The following E2F2 variants were observed in gnomAD, a reference collection of about 807,000 sequenced individuals.
E2F2 encodes transcription factor E2F2.
Under a neutral mutation model 42.2 loss-of-function variants are expected in E2F2, and 22 were observed. That is an observed-to-expected ratio of 0.52 (90% CI 0.37 to 0.74). The LOEUF (loss-of-function observed/expected upper bound fraction) is 0.74, where lower values mean the gene tolerates loss of function less well. Among genes scored for constraint, E2F2 ranks in the 30% least tolerant of loss-of-function variants. E2F2 has a pLI of 0.00. For synonymous variants in E2F2, 248 were observed against 251.6 expected (o/e 0.99, Z 0.13); for missense variants, 481 against 557.8 (o/e 0.86, Z 1.39).
rs372929043 is a variant in E2F2, at chr1:23,524,274, GC to G, written c.358+108del. On this transcript the variant is annotated intron_variant, in intron 2 of 6. Coordinates refer to ENST00000361729, the MANE Select transcript of E2F2 (RefSeq NM_004091.4). ...GATCAAATAATAAAATACGCAGGAAGCTTTTGTAAACTGGAAAGTGATCCAA... is the reference window on the plus strand; with the variant it reads ...GATCAAATAATAAAATACGCAGGAAGTTTTGTAAACTGGAAAGTGATCCAA... 3.2e-4 allele frequency: 279 copies of G among 860,978 alleles called. 1 individual carries two copies. In the African/African-American group the frequency reaches 4.2e-3, roughly 13 times the overall value. The allele number at this position is 860,978 out of a possible 1,614,324, so 53.3% of individuals were successfully genotyped here. A position where few individuals can be genotyped will look rare whatever the true frequency, so the allele number is the denominator to read the frequency against.
intron 6 of E2F2, among the ~76,000 whole-genome samples, chr1:23,514,960 G>A (rs1463652569): frequency 6.6e-6 from 1 of 151,662 alleles, no homozygotes; most frequent in African/African-American, 2.4e-5. Flanking sequence ...ACCATTCTTA[G>A]CTCATGGGTC....
chr1:23,523,185 ACT>A (rs983162943), intron 2 of E2F2, among the ~76,000 whole-genome samples: 7 of 143,488 alleles, frequency 4.9e-5, no homozygotes, highest in Non-Finnish European at 1.1e-4. Context: ...ATGGAGTCTC[ACT>A]CTCTCTCCCA....
chr1:23,530,890 G>T lies in E2F2; in HGVS notation c.-97C>A. The T allele has an allele frequency of 1.4e-6, 2 of 1,389,044 alleles. No homozygotes were observed. The highest frequency in any genetic ancestry group is 1.9e-6 in the Non-Finnish European group (2 of 1,071,208). 86.0% of individuals were successfully genotyped at this position (1,389,044 alleles called of 1,614,324 possible). On this transcript the variant is annotated 5_prime_UTR_variant, in exon 1 of 7. Coordinates refer to ENST00000361729, the MANE Select transcript of E2F2 (RefSeq NM_004091.4). The surrounding 1 kb of genome is among the most constrained non-coding windows in gnomAD (Gnocchi z 4.4). ...CCTTTCACACGGCCCGCGGCATGGC[G>T]CGGAGGCCGGGGGAAGCCGCCAATG...
rs1463319421 is a variant in E2F2, at chr1:23,516,429, A to G, written c.951T>C (p.Pro317=). ...VQEPDSPSEE[P]LPSTSTLCPS... is the part of the protein sequence containing the mutation. ...GGCAGAGGGTGGAGGTAGAGGGGAGAGGCTCCTCGGAAGGACTGTCCGGCT... is the reference window on the plus strand; with the variant it reads ...GGCAGAGGGTGGAGGTAGAGGGGAGGGGCTCCTCGGAAGGACTGTCCGGCT... Residue 317 remains proline, a synonymous_variant, in exon 6 of 7, where the codon CCT becomes CCC. Coordinates refer to ENST00000361729, the MANE Select transcript of E2F2 (RefSeq NM_004091.4). 3.1e-6 allele frequency: 5 copies of G among 1,602,364 alleles called. No homozygotes were observed. The highest frequency in any genetic ancestry group is 4.3e-6 in the Non-Finnish European group (5 of 1,174,938).
intron 1 of E2F2, among the ~76,000 whole-genome samples, chr1:23,525,196 C>A (rs3218150): frequency 0.035 from 5,310 of 149,828 alleles, 138 homozygotes; most frequent in Middle Eastern, 0.12. Context: ...CCACCCCCCC[C>A]CTCCAGCTCC....
In E2F2 at chr1:23,509,895, G is replaced by A. The variant is rs1423753527; in HGVS notation, c.1299C>T (p.Asp433=). Residue 433 remains aspartate, a synonymous_variant, in exon 7 of 7, where the codon GAC becomes GAT. Transcript: ENST00000361729. The part of the protein sequence containing the change: ...SDLFDSYDLG[D]LLIN ...GCAGGGCCACTCAATTAATCAACAGGTCCCCAAGGTCGTAGGAGTCGAAGA... is the reference window on the plus strand; with the variant it reads ...GCAGGGCCACTCAATTAATCAACAGATCCCCAAGGTCGTAGGAGTCGAAGA... 1.3e-6 allele frequency: 2 copies of A among 1,548,832 alleles called. No individual in the cohort carries two copies.
At chr1:23,510,253 C>A in intron 6 of E2F2, 105 bp from the exon 7 acceptor site, 1 of 1,426,092 alleles carries the variant, frequency 7.0e-7, no homozygotes, top group Non-Finnish European at 9.2e-7. Flanking sequence ...TCTTCTCTCT[C>A]CTTAGCCTGG....
At position 23,524,504 on chromosome 1, in the gene E2F2, G is replaced by A; in HGVS notation, c.253-16C>T. 3 of 1,610,130 alleles carry A rather than the reference G, an allele frequency of 1.9e-6. No homozygotes were observed. The highest frequency in any genetic ancestry group is 2.2e-5 in the East Asian group (1 of 44,778). On this transcript the variant is annotated splice_polypyrimidine_tract_variant and intron_variant, in intron 1 of 6. Transcript: ENST00000361729. ...TCCTTTTGGCCTTGGAGAAAAGGGG[G>A]AGAGAGAGGCAGAGTTTGAGAATCA... is the stretch of plus-strand genomic sequence containing the variant.
intron 6 of E2F2, among the ~76,000 whole-genome samples, chr1:23,515,491 G>A (rs1428462750): frequency 6.6e-6 from 1 of 152,012 alleles, no homozygotes; most frequent in Non-Finnish European, 1.5e-5. Context: ...CTCCCAGCTG[G>A]GAGACCTTAG....
Position 23,516,486 on chromosome 1 carries a change from G to C in E2F2, c.894C>G (p.Ile298Met). ...CCTCCTCTGGGCACAGGTAGACTTC[G>C]ATGGGCCCTTGGGTGCTCTTGAGAT... ...QIYLKSTQGP[I>M]EVYLCPEEVQ... Residue 298 changes from isoleucine (I) to methionine (M), a missense_variant, in exon 6 of 7, where the codon ATC (isoleucine) becomes ATG (methionine). By Grantham distance (10) the Ile-to-Met change is conservative. Transcript: ENST00000361729. The C allele has an allele frequency of 6.2e-7, 1 of 1,610,090 alleles. No individual in the cohort carries two copies. Among genetic ancestry groups the C allele is most frequent in the South Asian group, 1.1e-5 (1 of 90,270 alleles).
At chr1:23,516,279 G>A (rs1643014675) in intron 6 of E2F2, 56 bp downstream of exon 6, 2 of 1,415,574 alleles carry the variant, frequency 1.4e-6, no homozygotes, top group Non-Finnish European at 1.8e-6. Context: ...ATATAGAAGA[G>A]AAAACTAAGG....
downstream of E2F2, among the ~76,000 whole-genome samples, chr1:23,506,155 G>T (rs1037997221): frequency 6.6e-6 from 1 of 152,198 alleles, no homozygotes; most frequent in African/African-American, 2.4e-5. Flanking sequence ...GGGTGGGAGG[G>T]AGAGTGTGGG....
chr1:23,514,833 C>CAAAAA (rs74604082), intron 6 of E2F2, among the ~76,000 whole-genome samples: 4 of 46,740 alleles, frequency 8.6e-5, no homozygotes, highest in African/African-American at 1.4e-4. Context: ...GAGACTGTCT[C>CAAAAA]AAAAAAAAAA....
intron 6 of E2F2, among the ~76,000 whole-genome samples, chr1:23,514,134 A>C (rs374049142): frequency 1.3e-3 from 195 of 152,038 alleles, no homozygotes; most frequent in African/African-American, 4.2e-3. Flanking sequence ...AAAAAAAAAA[A>C]AACAACTTCA....
In E2F2 at chr1:23,531,063, G is replaced by C; in HGVS notation, c.-270C>G. On this transcript the variant is annotated 5_prime_UTR_variant, in exon 1 of 7. Transcript: ENST00000361729. ...CTCGTCCCGAGGGCACCGCGACCCG[G>C]GACGCCCCGCGCTCCCCAAGGCCTC... 2.7e-6 allele frequency: 1 copy of C among 366,728 alleles called. No homozygotes were observed. The highest frequency in any genetic ancestry group is 4.8e-6 in the Non-Finnish European group (1 of 206,738). The allele number at this position is 366,728 out of a possible 1,614,324, so 22.7% of individuals were successfully genotyped here.
At chr1:23,511,041 G>C (rs1642898445) in intron 6 of E2F2, among the ~76,000 whole-genome samples, 1 of 151,960 alleles carries the variant, frequency 6.6e-6, no homozygotes, top group African/African-American at 2.4e-5. Context: ...ACTTTCTCCA[G>C]AGTAGCCTCA....
intron 6 of E2F2, among the ~76,000 whole-genome samples, chr1:23,512,980 T>C (rs1481827132): frequency 1.3e-5 from 2 of 152,062 alleles, no homozygotes; most frequent in Non-Finnish European, 2.9e-5. Flanking sequence ...CTCCGGCTAA[T>C]TTTTGTATTT....
At chr1:23,519,265 A>C in intron 4 of E2F2, 135 bp from the exon 5 acceptor site, 1 of 551,490 alleles carries the variant, frequency 1.8e-6, no homozygotes, top group Admixed American at 3.4e-5. Context: ...TAGAAATAAT[A>C]CAATCTGTAA....
Position 23,518,923 on chromosome 1 carries a change from TA to T in E2F2, c.852+92del, listed in dbSNP as rs1172491068. 1.1e-5 allele frequency: 11 copies of T among 961,374 alleles called. No homozygotes were observed. The East Asian group carries it at 2.8e-4, about 25-fold the overall frequency. The allele number at this position is 961,374 out of a possible 1,614,324, so 59.6% of individuals were successfully genotyped here. A position where few individuals can be genotyped will look rare whatever the true frequency, so the allele number is the denominator to read the frequency against. On this transcript the variant is annotated intron_variant, in intron 5 of 6. Coordinates refer to ENST00000361729, the MANE Select transcript of E2F2 (RefSeq NM_004091.4). Reference sequence around the variant, plus strand: ...ACAATGGGCCTGCAAAGCATGGGGCTAGGCAGTGCCAGGGACAGAGTCTGCA... The same window carrying T: ...ACAATGGGCCTGCAAAGCATGGGGCTGGCAGTGCCAGGGACAGAGTCTGCA...
Sources: allele counts gnomAD v4.1 joint callset (sites outside exome capture counted in the v4.1 genomes callset), GRCh38; gene constraint gnomAD v4.1.1; non-coding constraint Gnocchi (gnomAD v3.1); transcripts MANE v1.5; gene names NCBI Gene and HGNC (gene_info 2026-07-23, HGNC 2026-07-21).